Variants in BMP5 observed in about 807,000 individuals in gnomAD.
BMP5 encodes bone morphogenetic protein 5.
A neutral mutation model predicts 46.6 loss-of-function variants in BMP5; 23 were observed. The observed-to-expected ratio is 0.49, with a 90% confidence interval of 0.35 to 0.70. BMP5 has a LOEUF of 0.70. BMP5 is among the 30% of genes least tolerant of loss of function. The probability of loss-of-function intolerance (pLI) is 0.00; values close to 1 mark genes in which losing one functional copy is unlikely to be tolerated. For missense variants in BMP5, 545 were observed against 565.6 expected (o/e 0.96, Z 0.37); for synonymous variants, 204 against 191.9 (o/e 1.06, Z -0.52).
intron 2 of BMP5, among the ~76,000 whole-genome samples, chr6:55,804,536 T>C (rs1775940659): frequency 1.3e-5 from 2 of 152,164 alleles, no homozygotes; most frequent in African/African-American, 4.8e-5. Flanking sequence ...TCTAGGAAAC[T>C]AATATATTCC....
intron 1 of BMP5, among the ~76,000 whole-genome samples, chr6:55,855,900 G>A (rs925843020): frequency 1.3e-5 from 2 of 151,946 alleles, no homozygotes; most frequent in Admixed American, 6.6e-5. Context: ...TGTAAACACG[G>A]CATAATCTGC....
intron 1 of BMP5, among the ~76,000 whole-genome samples, chr6:55,850,147 T>C (rs1264504714): frequency 6.6e-6 from 1 of 152,176 alleles, no homozygotes; most frequent in Non-Finnish European, 1.5e-5. Context: ...GCACAACCTT[T>C]ACCAAGTTAC....
chr6:55,849,490 G>A (rs1406972012), intron 1 of BMP5, among the ~76,000 whole-genome samples: 1 of 152,000 alleles, frequency 6.6e-6, no homozygotes, highest in Non-Finnish European at 1.5e-5. Flanking sequence ...ATAGATTGGA[G>A]AGGAATATTT....
intron 3 of BMP5, among the ~76,000 whole-genome samples, chr6:55,777,406 C>T (rs1242401146): frequency 6.6e-6 from 1 of 151,892 alleles, no homozygotes; most frequent in Non-Finnish European, 1.5e-5. Flanking sequence ...AAACACATTA[C>T]CTTTACATGT....
At chr6:55,791,442 A>C (rs1025096465) in intron 3 of BMP5, among the ~76,000 whole-genome samples, 3 of 152,228 alleles carry the variant, frequency 2.0e-5, no homozygotes, top group East Asian at 1.9e-4. Context: ...AAGCAACAAA[A>C]GGCTGTATAT....
intron 1 of BMP5, among the ~76,000 whole-genome samples, chr6:55,858,895 C>G (rs770016012): frequency 2.6e-5 from 4 of 152,124 alleles, no homozygotes; most frequent in Non-Finnish European, 5.9e-5. Context: ...CATGTTTTCA[C>G]TCATAAGTGG....
intron 6 of BMP5, among the ~76,000 whole-genome samples, chr6:55,757,767 G>T (rs1036874303): frequency 6.6e-6 from 1 of 151,826 alleles, no homozygotes; most frequent in Non-Finnish European, 1.5e-5. Context: ...ATGTATATTT[G>T]CTTTATCTTT....
chr6:55,819,341 A>C (rs1293695191), intron 2 of BMP5, among the ~76,000 whole-genome samples: 2 of 152,222 alleles, frequency 1.3e-5, no homozygotes, highest in African/African-American at 4.8e-5. Flanking sequence ...TCATGTGGGC[A>C]GAACAAAGTG....
At chr6:55,780,307 G>A (rs1775278320) in intron 3 of BMP5, among the ~76,000 whole-genome samples, 1 of 151,242 alleles carries the variant, frequency 6.6e-6, no homozygotes, top group Non-Finnish European at 1.5e-5. Context: ...ACTATGAGTT[G>A]AGAGTTTTCT....
chr6:55,855,719 T>C (rs1417252065), intron 1 of BMP5, among the ~76,000 whole-genome samples: 1 of 152,180 alleles, frequency 6.6e-6, no homozygotes, highest in African/African-American at 2.4e-5. Context: ...TTTCTTTTGG[T>C]ACCAAACTTC....
At chr6:55,789,841 C>T (rs377730762) in intron 3 of BMP5, among the ~76,000 whole-genome samples, 1 of 151,918 alleles carries the variant, frequency 6.6e-6, no homozygotes, top group Admixed American at 6.6e-5. Context: ...TTTGCTGAAA[C>T]AAACATATGG....
At chr6:55,767,666 G>A (rs1774947434) in intron 4 of BMP5, among the ~76,000 whole-genome samples, 1 of 151,896 alleles carries the variant, frequency 6.6e-6, no homozygotes, top group African/African-American at 2.4e-5. Context: ...TCATGATTCA[G>A]GGCACAGATA....
intron 2 of BMP5, among the ~76,000 whole-genome samples, chr6:55,815,133 C>CA (rs35015007): frequency 0.46 from 35,447 of 77,538 alleles, 6,973 homozygotes; most frequent in Non-Finnish European, 0.49. Context: ...AACTCCATCT[C>CA]AAAAAAAAAA....
chr6:55,823,122 A>G (rs1483528874), intron 1 of BMP5, among the ~76,000 whole-genome samples: 1 of 152,128 alleles, frequency 6.6e-6, no homozygotes, highest in Non-Finnish European at 1.5e-5. Context: ...GATGACAGCT[A>G]CATAGTAACA....
chr6:55,852,590 T>C (rs893919175), intron 1 of BMP5, among the ~76,000 whole-genome samples: 5 of 152,140 alleles, frequency 3.3e-5, no homozygotes, highest in Non-Finnish European at 5.9e-5. Context: ...AAATCCATTG[T>C]GTTTTTATTT....
At chr6:55,764,376 A>C (rs995150579) in intron 4 of BMP5, among the ~76,000 whole-genome samples, 3 of 152,134 alleles carry the variant, frequency 2.0e-5, no homozygotes, top group Non-Finnish European at 2.9e-5. Flanking sequence ...GATCGACACC[A>C]TTCTGGCTAA....
At chr6:55,778,160 T>C (rs982021445) in intron 3 of BMP5, among the ~76,000 whole-genome samples, 2 of 151,986 alleles carry the variant, frequency 1.3e-5, no homozygotes, top group African/African-American at 2.4e-5. Flanking sequence ...GTGGCTCCAA[T>C]TGCAAGAGAA....
chr6:55,838,850 G>A (rs1776885827), intron 1 of BMP5, among the ~76,000 whole-genome samples: 1 of 152,080 alleles, frequency 6.6e-6, no homozygotes, highest in South Asian at 2.1e-4. Flanking sequence ...GTTCCACATG[G>A]TGTTTTCATT....
intron 1 of BMP5, among the ~76,000 whole-genome samples, chr6:55,824,724 T>C (rs959869459): frequency 6.6e-6 from 1 of 151,840 alleles, no homozygotes; most frequent in African/African-American, 2.4e-5. Context: ...AACAAACACT[T>C]GTGTCAATCA....
Sources: allele counts gnomAD v4.1 joint callset (sites outside exome capture counted in the v4.1 genomes callset), GRCh38; gene constraint gnomAD v4.1.1; transcripts MANE v1.5; gene names NCBI Gene and HGNC (gene_info 2026-07-23, HGNC 2026-07-21).